Variants in NRXN1 observed in about 807,000 individuals in gnomAD.
The protein encoded by NRXN1 is neurexin-1.
NRXN1 carries 39 observed loss-of-function variants against 150.9 expected under a neutral mutation model. The ratio of observed to expected loss-of-function variants is 0.26; its 90% confidence interval spans 0.20 to 0.34. The LOEUF is 0.34. NRXN1 is among the 10% of genes least tolerant of loss of function. The pLI is 1.00. For missense variants in NRXN1, 1,815 were observed against 1,949.9 expected (o/e 0.93, Z 1.30); for synonymous variants, 924 against 757.0 (o/e 1.22, Z -3.62).
intron 5 of NRXN1, among the ~76,000 whole-genome samples, chr2:50,835,750 C>T (rs571184388): frequency 2.0e-5 from 3 of 152,232 alleles, no homozygotes; most frequent in East Asian, 3.9e-4. Flanking sequence ...TGCAAGTATA[C>T]ATACTGTGTG....
At chr2:50,677,597 A>T (rs1258599346) in intron 5 of NRXN1, among the ~76,000 whole-genome samples, 1 of 149,846 alleles carries the variant, frequency 6.7e-6, no homozygotes, top group Non-Finnish European at 1.5e-5. Flanking sequence ...GAATTAATTG[A>T]TTTTTTTTTT....
At chr2:50,580,275 G>A (rs562089465) in intron 8 of NRXN1, among the ~76,000 whole-genome samples, 11 of 152,126 alleles carry the variant, frequency 7.2e-5, no homozygotes, top group South Asian at 6.2e-4. Context: ...TTTTAGCTCC[G>A]TTGTTTATTG....
chr2:50,031,921 C>T (rs1361144506), intron 21 of NRXN1, among the ~76,000 whole-genome samples: 1 of 151,976 alleles, frequency 6.6e-6, no homozygotes, highest in Non-Finnish European at 1.5e-5. Flanking sequence ...TGTGTCTGGC[C>T]TTTCCTAGCA....
In NRXN1 at chr2:50,437,045, A is replaced by C. The variant is rs537586507; in HGVS notation, c.3364+28397T>G. 2.0e-5 allele frequency among the ~76,000 whole-genome samples: 3 copies of C among 152,296 alleles called. No homozygotes were observed. The East Asian group carries it at 5.8e-4, about 29-fold the overall frequency. On this transcript the variant is annotated intron_variant, in intron 17 of 22. Coordinates refer to ENST00000401669, the MANE Select transcript of NRXN1 (RefSeq NM_001330078.2). ...AAACTGCTTGACAATATGCTGCTAGAAACAGTCTTTCATTTTCCAAATCCA... is the reference window on the plus strand; with the variant it reads ...AAACTGCTTGACAATATGCTGCTAGCAACAGTCTTTCATTTTCCAAATCCA...
chr2:50,272,339 G>T (rs751118299), intron 17 of NRXN1, among the ~76,000 whole-genome samples: 4 of 152,140 alleles, frequency 2.6e-5, no homozygotes, highest in Non-Finnish European at 5.9e-5. Context: ...GGTAAGGGTG[G>T]AGAAAGAGAC....
chr2:50,993,595 C>T (rs1698862415), intron 2 of NRXN1, among the ~76,000 whole-genome samples: 1 of 151,912 alleles, frequency 6.6e-6, no homozygotes, highest in African/African-American at 2.4e-5. Flanking sequence ...TTGTCAGCCC[C>T]ACTTTAAAAG....
rs1696631357 is a variant in NRXN1, at chr2:50,980,574, T to C, written c.772+46928A>G. Among the ~76,000 whole-genome samples the C allele has an allele frequency of 2.6e-5, 4 of 152,130 alleles. No homozygotes were observed. In the South Asian group the frequency reaches 8.3e-4, roughly 31 times the overall value. ...AGTTTATGAAGGTAATAACCACTAC[T>C]GTAACATGTTAATAATTTAATTAAG... On this transcript the variant is annotated intron_variant, in intron 2 of 22. Transcript: ENST00000401669.
intron 18 of NRXN1, among the ~76,000 whole-genome samples, chr2:50,107,644 A>G (rs1378135862): frequency 1.3e-5 from 2 of 151,032 alleles, no homozygotes; most frequent in Non-Finnish European, 3.0e-5. Context: ...ACACATTGTT[A>G]CAGAGCTGAA....
At chr2:50,836,924 AT>A (rs1672202575) in intron 5 of NRXN1, among the ~76,000 whole-genome samples, 1 of 151,994 alleles carries the variant, frequency 6.6e-6, no homozygotes, top group African/African-American at 2.4e-5. Flanking sequence ...TAAAAAAAAA[AT>A]CAGATAAAAC....
At chr2:50,617,290 C>G (rs1265550961) in intron 8 of NRXN1, among the ~76,000 whole-genome samples, 2 of 152,026 alleles carry the variant, frequency 1.3e-5, no homozygotes, top group Non-Finnish European at 2.9e-5. Context: ...CAAAAATTAG[C>G]TGGGTGTGGT....
chr2:50,767,660 C>T (rs1410634198), intron 5 of NRXN1, among the ~76,000 whole-genome samples: 2 of 152,056 alleles, frequency 1.3e-5, no homozygotes, highest in African/African-American at 2.4e-5. Context: ...ATGGTAAATA[C>T]ATTTGCTAAA....
chr2:50,781,491 TGAAG>T (rs1377202498), intron 5 of NRXN1, among the ~76,000 whole-genome samples: 1 of 152,134 alleles, frequency 6.6e-6, no homozygotes, highest in Admixed American at 6.5e-5. Context: ...AAAGATTTTG[TGAAG>T]GAAGGAAGGA....
intron 5 of NRXN1, among the ~76,000 whole-genome samples, chr2:50,805,391 A>G (rs113377472): frequency 0.043 from 6,475 of 152,242 alleles, 165 homozygotes; most frequent in Admixed American, 0.071. Flanking sequence ...GTGGTGGCTC[A>G]AGCCTGTAAT....
chr2:50,828,714 G>C (rs1670911347), intron 5 of NRXN1, among the ~76,000 whole-genome samples: 2 of 151,672 alleles, frequency 1.3e-5, no homozygotes. Flanking sequence ...ATGGGATGGC[G>C]GCCGGGCAGA....
chr2:50,461,746 G>A (rs1019014408), intron 17 of NRXN1, among the ~76,000 whole-genome samples: 2 of 151,970 alleles, frequency 1.3e-5, no homozygotes, highest in Non-Finnish European at 2.9e-5. Context: ...AATTTCAGAA[G>A]AGGGAAAAAT....
intron 21 of NRXN1, among the ~76,000 whole-genome samples, chr2:49,964,632 G>A (rs1209526835): frequency 6.6e-6 from 1 of 152,036 alleles, no homozygotes; most frequent in Non-Finnish European, 1.5e-5. Flanking sequence ...CTGAGGTCAG[G>A]AGTTCGAGAC....
chr2:50,483,610 C>G (rs1053779455), intron 15 of NRXN1, among the ~76,000 whole-genome samples: 1 of 152,172 alleles, frequency 6.6e-6, no homozygotes. Context: ...CCCTACCTGA[C>G]AGATGAACAA....
intron 8 of NRXN1, among the ~76,000 whole-genome samples, chr2:50,581,554 T>C (rs1672264594): frequency 6.6e-6 from 1 of 152,164 alleles, no homozygotes. Context: ...ATGGGCTGAG[T>C]TCTTAAACAA....
chr2:50,984,379 T>A (rs938006793), intron 2 of NRXN1, among the ~76,000 whole-genome samples: 14 of 151,984 alleles, frequency 9.2e-5, no homozygotes, highest in Admixed American at 8.5e-4. Context: ...AAAAGAAGAA[T>A]ATATAACGAA....
Sources: allele counts gnomAD v4.1 joint callset (sites outside exome capture counted in the v4.1 genomes callset), GRCh38; gene constraint gnomAD v4.1.1; transcripts MANE v1.5; gene names NCBI Gene and HGNC (gene_info 2026-07-23, HGNC 2026-07-21).